The following CACNA1C variants were observed in gnomAD, a reference collection of about 807,000 sequenced individuals.
The protein encoded by CACNA1C is calcium voltage-gated channel subunit alpha1 C, also known as voltage-dependent L-type calcium channel subunit alpha-1C.
CACNA1C carries 30 observed loss-of-function variants against 229.0 expected under a neutral mutation model. The observed-to-expected ratio is 0.13, with a 90% CI of 0.10 to 0.18. The LOEUF is 0.18. CACNA1C is among the 10% of genes least tolerant of loss of function. The probability of loss-of-function intolerance (pLI) is 1.00; values close to 1 mark genes in which losing one functional copy is unlikely to be tolerated. For missense variants in CACNA1C, 1,658 were observed against 2,845.0 expected (o/e 0.58, Z 9.49); for synonymous variants, 1,114 against 1,132.5 (o/e 0.98, Z 0.33).
At chr12:2,094,588 G>A (rs1439136331) in intron 1 of CACNA1C, among the ~76,000 whole-genome samples, 1 of 152,194 alleles carries the variant, frequency 6.6e-6, no homozygotes, top group African/African-American at 2.4e-5. Context: ...AGGTCATTTG[G>A]TGAACACCCT....
At chr12:2,440,982 A>T (rs574120205) in intron 3 of CACNA1C, among the ~76,000 whole-genome samples, 49 of 152,354 alleles carry the variant, frequency 3.2e-4, no homozygotes, top group African/African-American at 1.1e-3. Context: ...TTCATCTCTC[A>T]GACAGAGAAT....
At chr12:2,622,355 G>GT (rs1299498946) in intron 29 of CACNA1C, among the ~76,000 whole-genome samples, 2 of 152,160 alleles carry the variant, frequency 1.3e-5, no homozygotes, top group Non-Finnish European at 2.9e-5. Context: ...GGGTCATTCA[G>GT]TGGGGGAACT....
At chr12:2,557,123 A>G in intron 11 of CACNA1C, 146 bp downstream of exon 11, 1 of 649,962 alleles carries the variant, frequency 1.5e-6, no homozygotes, top group East Asian at 2.6e-5. Flanking sequence ...CTGTATGGCC[A>G]TCAAGAAAAA....
intron 3 of CACNA1C, among the ~76,000 whole-genome samples, chr12:2,223,690 C>A (rs1108222): frequency 0.35 from 53,578 of 151,988 alleles, 9,959 homozygotes; most frequent in African/African-American, 0.44. Context: ...CCTCCATTAT[C>A]CTTCCTCTTA....
chr12:2,190,180 G>C (rs1169128309), intron 3 of CACNA1C, among the ~76,000 whole-genome samples: 1 of 152,182 alleles, frequency 6.6e-6, no homozygotes, highest in South Asian at 2.1e-4. Context: ...TCTCCTTATT[G>C]CCTAATTAGC....
intron 1 of CACNA1C, chr12:1,992,846 T>A (rs1443190115): frequency 2.6e-6 from 1 of 390,216 alleles, no homozygotes; most frequent in Non-Finnish European, 4.6e-6. Context: ...TCAAACACTT[T>A]GTCAGCTCAC....
chr12:2,193,454 CA>C (rs35406377), intron 3 of CACNA1C, among the ~76,000 whole-genome samples: 51,907 of 150,594 alleles, frequency 0.34, 9,344 homozygotes, highest in South Asian at 0.39. Context: ...GACCCTGTCT[CA>C]AAAAAAAACA....
In CACNA1C at chr12:2,488,319, C is replaced by A. The variant is rs111270831; in HGVS notation, c.916+2057C>A. On this transcript the variant is annotated intron_variant, in intron 6 of 46. Coordinates refer to ENST00000399655, the MANE Select transcript of CACNA1C (RefSeq NM_000719.7). This position sits in a 1 kb window ranked among gnomAD's most constrained non-coding sequence, Gnocchi z 4.0. The stretch of plus-strand genomic sequence containing the variant: ...GGCTTTGTTACCAGGCCTCAGAGGC[C>A]CTGGATAGTCAGAAAATGGTGAGCA... Among the ~76,000 whole-genome samples the A allele has an allele frequency of 1.2e-3, 180 of 152,206 alleles. No individual in the cohort carries two copies. Among genetic ancestry groups the A allele is most frequent in the African/African-American group, 4.0e-3 (168 of 41,512 alleles).
intron 1 of CACNA1C, among the ~76,000 whole-genome samples, chr12:1,974,356 T>C (rs1348052739): frequency 1.3e-5 from 2 of 152,178 alleles, no homozygotes; most frequent in African/African-American, 2.4e-5. Context: ...GAGAGTTTAT[T>C]TTGCTTCAAA....
intron 9 of CACNA1C, 142 bp downstream of exon 9, chr12:2,513,126 G>T: frequency 1.8e-6 from 1 of 559,628 alleles, no homozygotes; most frequent in South Asian, 3.2e-5. Flanking sequence ...CTCACTGATG[G>T]CAGTCACTTG....
intron 8 of CACNA1C, among the ~76,000 whole-genome samples, chr12:2,510,934 A>T (rs952846745): frequency 6.6e-6 from 1 of 152,168 alleles, no homozygotes; most frequent in Non-Finnish European, 1.5e-5. Context: ...AGGGGATAAG[A>T]GGTTAGGAGG....
chr12:2,322,007 C>T (rs1028040304), intron 3 of CACNA1C, among the ~76,000 whole-genome samples: 10 of 152,334 alleles, frequency 6.6e-5, no homozygotes, highest in African/African-American at 1.2e-4. Flanking sequence ...CAGAACTAGA[C>T]GCAGCTGCTG....
Position 2,565,186 on chromosome 12 carries a change from C to T in CACNA1C, c.1509-1236C>T, listed in dbSNP as rs909983999. ...GGGGAGCCTTAAAAATACCCAACCC[C>T]GGCCGGGCGCGGTGGCTCACGCCTG... On this transcript the variant is annotated intron_variant, in intron 11 of 46. Coordinates refer to ENST00000399655, the MANE Select transcript of CACNA1C (RefSeq NM_000719.7). 9.8e-5 allele frequency among the ~76,000 whole-genome samples: 15 copies of T among 152,298 alleles called. 2 individuals are homozygous for T. In the South Asian group the frequency reaches 1.2e-3, roughly 13 times the overall value.
chr12:2,653,883 G>A lies in CACNA1C; in HGVS notation c.4123G>A (p.Ala1375Thr), dbSNP rs2095261895. The A allele has an allele frequency of 6.2e-7, 1 of 1,613,796 alleles. No individual in the cohort carries two copies. Among genetic ancestry groups the A allele is most frequent in the Non-Finnish European group, 8.5e-7 (1 of 1,179,852 alleles). Residue 1375 changes from alanine (A) to threonine (T), a missense_variant, in exon 33 of 47, where the codon GCG becomes ACG. By Grantham distance (58) the Ala-to-Thr change is moderately conservative (BLOSUM62 0). Around this residue, in one of 20 missense-constraint regions of CACNA1C, gnomAD observed 151 missense variants for 344.4 expected, o/e 0.44. Transcript: ENST00000399655. The surrounding 1 kb of genome is among the most constrained non-coding windows in gnomAD (Gnocchi z 4.7). ...GATCGTGATGCTGTTCTTCATCTACGCGGTGATCGGGATGCAGGTAGGGAG... is the reference window on the plus strand; with the variant it reads ...GATCGTGATGCTGTTCTTCATCTACACGGTGATCGGGATGCAGGTAGGGAG... ...LLIVMLFFIY[A>T]VIGMQVFGKI... is the part of the protein sequence containing the mutation.
In CACNA1C at chr12:2,410,629, CTGTGTG is replaced by C. The variant is rs151082710; in HGVS notation, c.478-38334_478-38329del. Among the ~76,000 whole-genome samples the C allele has an allele frequency of 5.9e-4, 87 of 147,352 alleles. No homozygotes were observed. The highest frequency in any genetic ancestry group is 2.1e-3 in the African/African-American group (82 of 39,482). ...GACTCTAGCTGTGAGGATGGCTCGC[CTGTGTG>C]TGTGTGTGTGTGCATGCGTGTGTGT... On this transcript the variant is annotated intron_variant, in intron 3 of 46. Coordinates refer to ENST00000399655, the MANE Select transcript of CACNA1C (RefSeq NM_000719.7). The surrounding 1 kb of genome is among the most constrained non-coding windows in gnomAD (Gnocchi z 5.3).
intron 3 of CACNA1C, among the ~76,000 whole-genome samples, chr12:2,125,257 A>G (rs747803281): frequency 5.4e-5 from 7 of 129,748 alleles, no homozygotes; most frequent in Non-Finnish European, 8.0e-5. Context: ...ACTCAAGGCC[A>G]ATGACAAGAG....
intron 1 of CACNA1C, among the ~76,000 whole-genome samples, chr12:2,061,016 C>T (rs1485366998): frequency 4.6e-5 from 7 of 152,086 alleles, no homozygotes; most frequent in South Asian, 2.1e-4. Flanking sequence ...ACAAAAGTAA[C>T]AAAGTAAATA....
chr12:2,276,478 G>A (rs186311562), intron 3 of CACNA1C, among the ~76,000 whole-genome samples: 10 of 152,332 alleles, frequency 6.6e-5, no homozygotes, highest in Admixed American at 3.3e-4. Context: ...TCAAGTGCAT[G>A]GGAAAGAATG....
chr12:2,104,671 A>G (rs1391808007), intron 1 of CACNA1C, among the ~76,000 whole-genome samples: 1 of 152,190 alleles, frequency 6.6e-6, no homozygotes, highest in Non-Finnish European at 1.5e-5. Context: ...GAATGCTTCC[A>G]GTTTTTGCCC....
Sources: gnomAD v4.1 joint callset for allele counts (sites outside exome capture counted in the v4.1 genomes callset) on GRCh38, gnomAD v4.1.1 for gene constraint, gnomAD v4.1.1 regional missense constraint, Gnocchi (gnomAD v3.1) non-coding constraint, MANE v1.5 for transcripts, NCBI Gene and HGNC (gene_info 2026-07-23, HGNC 2026-07-21) for gene names.